Variants in CARF observed in about 807,000 individuals in gnomAD.
The protein encoded by CARF is calcium-responsive transcription factor.
CARF carries 57 observed loss-of-function variants against 82.0 expected under a neutral mutation model. The observed-to-expected ratio is 0.70, with a 90% CI of 0.56 to 0.87. The LOEUF is 0.87. Ranked by LOEUF, CARF falls within the 40% of genes least tolerant of loss-of-function variation. The pLI is 0.00. For missense variants in CARF, 771 were observed against 855.8 expected (o/e 0.90, Z 1.24); for synonymous variants, 268 against 290.1 (o/e 0.92, Z 0.77).
At position 202,969,996 on chromosome 2, in the gene CARF, G is replaced by A; in HGVS notation, c.1031G>A (p.Arg344Lys). The A allele has an allele frequency of 6.3e-7, 1 of 1,579,750 alleles. No individual in the cohort carries two copies. The highest frequency in any genetic ancestry group is 8.5e-7 in the Non-Finnish European group (1 of 1,170,338). The change falls in exon 11 of 17, where the codon AGA becomes AAA. Residue 344 changes from arginine (R) to lysine (K), a missense_variant. Physicochemically the swap from Arg to Lys is conservative, Grantham distance 26 (BLOSUM62 2). Transcript: ENST00000438828. ...CCCAAAATTGACAAGAAAATTATCA[G>A]AATGGAGCAGGAGAAAGCTTTTAAC... ...TDPKIDKKIIRMEQEKAFNML... is the reference protein window; with the variant it reads ...TDPKIDKKIIKMEQEKAFNML...
At chr2:202,976,593 A>C (rs2060039293) in intron 13 of CARF, among the ~76,000 whole-genome samples, 1 of 152,230 alleles carries the variant, frequency 6.6e-6, no homozygotes, top group Non-Finnish European at 1.5e-5. Flanking sequence ...GCCAGTGATT[A>C]TGCCATTAAA....
At position 202,964,104 on chromosome 2, in the gene CARF, G is replaced by T. The variant is rs1451470765; in HGVS notation, c.832+2678G>T. ...CCTCACACAGCTCAGGCCTGGTTTC[G>T]CAGCCAAGTGAGTCCTGAAAAAACC... On this transcript the variant is annotated intron_variant, in intron 9 of 16. Transcript: ENST00000438828. Among the ~76,000 whole-genome samples, 5 of 152,032 alleles carry T rather than the reference G, an allele frequency of 3.3e-5. No homozygotes were observed. In the East Asian group the frequency reaches 7.7e-4, roughly 23 times the overall value.
chr2:202,961,213 T>C, intron 8 of CARF, 24 bp from the exon 9 acceptor site: 2 of 1,577,210 alleles, frequency 1.3e-6, no homozygotes, highest in Non-Finnish European at 1.7e-6. Context: ...GCTAGTAATT[T>C]TGTTTAATTT....
rs2060394335 is a variant in CARF, at chr2:202,985,163, T to A, written c.*1539T>A. The A allele has an allele frequency of 6.6e-6, 1 of 152,122 alleles. No individual in the cohort carries two copies. Among genetic ancestry groups the A allele is most frequent in the Admixed American group, 6.6e-5 (1 of 15,264 alleles). The allele number at this position is 152,122 out of a possible 1,614,324, so 9.4% of individuals were successfully genotyped here. On this transcript the variant is annotated 3_prime_UTR_variant, in exon 17 of 17. Transcript: ENST00000438828. ...AGACCATTTGTGGGTATATTTTATA[T>A]TTTAAAAATAAAGATTTTAAATGGA...
chr2:202,965,143 G>T (rs1432686127), intron 9 of CARF, among the ~76,000 whole-genome samples: 1 of 151,992 alleles, frequency 6.6e-6, no homozygotes, highest in East Asian at 1.9e-4. Flanking sequence ...TAGGTAGTTT[G>T]TTCTGTAATA....
intron 12 of CARF, 56 bp downstream of exon 12, chr2:202,971,794 A>G (rs2059800881): frequency 7.7e-7 from 1 of 1,303,558 alleles, no homozygotes; most frequent in Non-Finnish European, 1.1e-6. Context: ...GTTGCTTTAA[A>G]TAATACAGTG....
intron 3 of CARF, among the ~76,000 whole-genome samples, chr2:202,935,162 A>G (rs946472606): frequency 2.1e-5 from 3 of 143,070 alleles, no homozygotes; most frequent in Admixed American, 1.4e-4. Context: ...ATACTCCTGT[A>G]TATATTTAAA....
chr2:202,915,725 C>A (rs563499039), intron 1 of CARF, among the ~76,000 whole-genome samples: 97 of 152,218 alleles, frequency 6.4e-4, no homozygotes, highest in African/African-American at 1.9e-3. Context: ...GCTCAGCCTC[C>A]CAAAGTGCTG....
chr2:202,926,440 A>G (rs1691838097), intron 3 of CARF, among the ~76,000 whole-genome samples: 1 of 152,236 alleles, frequency 6.6e-6, no homozygotes, highest in Non-Finnish European at 1.5e-5. Flanking sequence ...TGGATTGTCT[A>G]TTCTGTCCAT....
intron 12 of CARF, among the ~76,000 whole-genome samples, chr2:202,972,701 T>C (rs977593808): frequency 7.4e-6 from 1 of 135,310 alleles, no homozygotes; most frequent in African/African-American, 2.6e-5. Context: ...AAAAAGGCAG[T>C]GGCAGAACTG....
intron 12 of CARF, among the ~76,000 whole-genome samples, chr2:202,973,300 A>G (rs922304268): frequency 8.5e-5 from 13 of 152,216 alleles, no homozygotes; most frequent in East Asian, 3.8e-4. Flanking sequence ...GCCATTCACT[A>G]TTTACTAAAC....
At chr2:202,971,962 C>A (rs2059807247) in intron 12 of CARF, among the ~76,000 whole-genome samples, 1 of 152,042 alleles carries the variant, frequency 6.6e-6, no homozygotes, top group Non-Finnish European at 1.5e-5. Flanking sequence ...TGATTACTCA[C>A]TTGAGACATT....
chr2:202,931,893 T>A (rs1450246779), intron 3 of CARF, among the ~76,000 whole-genome samples: 1 of 152,188 alleles, frequency 6.6e-6, no homozygotes, highest in East Asian at 1.9e-4. Flanking sequence ...AGGGTCTGTA[T>A]TAGTCTGTTC....
intron 3 of CARF, among the ~76,000 whole-genome samples, chr2:202,932,372 G>A (rs1393917811): frequency 6.6e-6 from 1 of 152,098 alleles, no homozygotes; most frequent in South Asian, 2.1e-4. Flanking sequence ...CACAGAGCTA[G>A]GGTCTGTGAC....
chr2:202,965,821 C>G (rs1271173045), intron 9 of CARF, among the ~76,000 whole-genome samples: 1 of 152,172 alleles, frequency 6.6e-6, no homozygotes, highest in Non-Finnish European at 1.5e-5. Context: ...ATTTTCACAT[C>G]TACTTATTTG....
intron 12 of CARF, among the ~76,000 whole-genome samples, chr2:202,973,948 C>T (rs1013292926): frequency 2.0e-5 from 3 of 152,046 alleles, no homozygotes; most frequent in Admixed American, 6.5e-5. Context: ...ATTAGCCGGG[C>T]GTGGTGGCAC....
At position 202,977,805 on chromosome 2, in the gene CARF, G is replaced by A. The variant is rs570681228; in HGVS notation, c.1558+473G>A. On this transcript the variant is annotated intron_variant, in intron 14 of 16. Transcript: ENST00000438828. Reference sequence around the variant, plus strand: ...GTACTCAAATTGTAATCTCTTTTAAGTACATTCATAACTTCACCCCCTATA... The same window carrying A: ...GTACTCAAATTGTAATCTCTTTTAAATACATTCATAACTTCACCCCCTATA... Among the ~76,000 whole-genome samples the A allele has an allele frequency of 6.6e-5, 10 of 152,150 alleles. No homozygotes were observed. In the South Asian group the frequency reaches 1.0e-3, roughly 16 times the overall value.
chr2:202,946,479 A>C (rs1012656291), intron 5 of CARF, among the ~76,000 whole-genome samples: 1 of 152,192 alleles, frequency 6.6e-6, no homozygotes, highest in Admixed American at 6.5e-5. Flanking sequence ...CCTTCCTTAC[A>C]CCTTATACAA....
At chr2:202,949,234 T>G (rs2058643155) in intron 5 of CARF, among the ~76,000 whole-genome samples, 1 of 151,238 alleles carries the variant, frequency 6.6e-6, no homozygotes, top group South Asian at 2.1e-4. Context: ...CTCAGGAGGC[T>G]GAGGCAGGAG....
Sources: allele counts gnomAD v4.1 joint callset (sites outside exome capture counted in the v4.1 genomes callset), GRCh38; gene constraint gnomAD v4.1.1; transcripts MANE v1.5; gene names NCBI Gene and HGNC (gene_info 2026-07-23, HGNC 2026-07-21).